Variants in CFHR5 observed in about 807,000 individuals in gnomAD.
The protein encoded by CFHR5 is complement factor H-related protein 5.
In CFHR5, 73 loss-of-function variants were observed where a neutral mutation model predicts 62.9. The ratio of observed to expected loss-of-function variants is 1.16; its 90% CI spans 0.96 to 1.41. The LOEUF (loss-of-function observed/expected upper bound fraction) is 1.41. Among genes scored for constraint, CFHR5 ranks in the 40% most tolerant of loss-of-function variants. The pLI, the probability that CFHR5 is intolerant of heterozygous loss-of-function variation, is 0.00. For missense variants in CFHR5, 779 were observed against 679.9 expected (o/e 1.15, Z -1.62); for synonymous variants, 249 against 227.2 (o/e 1.10, Z -0.86).
chr1:196,988,224 C>A (rs1259193353), intron 3 of CFHR5, among the ~76,000 whole-genome samples: 4 of 152,062 alleles, frequency 2.6e-5, no homozygotes, highest in Admixed American at 1.3e-4. Flanking sequence ...GATTTTGTAT[C>A]CTGAGACTTT....
Position 196,986,622 on chromosome 1 carries a change from GGTTTTCTGTCCTTGTGATA to G in CFHR5, c.430+2493_430+2511del, listed in dbSNP as rs573760578. ...CTGTGAGTGAGAACATGCAGTGTTT[GGTTTTCTGTCCTTGTGATA>G]GTTTTCTCAGAATGATGGTTTCCAG... is the stretch of plus-strand genomic sequence containing the variant. On this transcript the variant is annotated intron_variant, in intron 3 of 9. Transcript: ENST00000256785. Among the ~76,000 whole-genome samples, 142 of 152,164 alleles carry G rather than the reference GGTTTTCTGTCCTTGTGATA, an allele frequency of 9.3e-4. 2 individuals are homozygous for G. In the South Asian group the frequency reaches 0.018, roughly 19 times the overall value.
intron 7 of CFHR5, among the ~76,000 whole-genome samples, chr1:197,001,351 G>C (rs1654148347): frequency 6.6e-6 from 1 of 151,784 alleles, no homozygotes; most frequent in South Asian, 2.1e-4. Context: ...GTATGTTTTG[G>C]CTTATTTTAT....
At position 197,008,607 on chromosome 1, in the gene CFHR5, A is replaced by G; in HGVS notation, c.1634A>G (p.His545Arg). Residue 545 changes from histidine (H) to arginine (R), a missense_variant, in exon 10 of 10, where the codon CAT becomes CGT. Transcript: ENST00000256785. ...GTTGAATTCCAGTGTAAATTCCCAC[A>G]TAAAGCGATGATATCATCACCACCA... ...DAVEFQCKFP[H>R]KAMISSPPFR... 1 of 1,613,930 alleles carries G rather than the reference A, an allele frequency of 6.2e-7. No homozygotes were observed. Among genetic ancestry groups the G allele is most frequent in the Non-Finnish European group, 8.5e-7 (1 of 1,179,876 alleles).
chr1:197,005,726 T>C lies in CFHR5; in HGVS notation c.1513+883T>C, dbSNP rs116759061. Reference sequence around the variant, plus strand: ...TAATAAGGATCTGTTCCTGCAACAGTTCTCACTGTTGCCCAATACCTCACA... The same window carrying C: ...TAATAAGGATCTGTTCCTGCAACAGCTCTCACTGTTGCCCAATACCTCACA... On this transcript the variant is annotated intron_variant, in intron 9 of 9. Transcript: ENST00000256785. 6.4e-3 allele frequency among the ~76,000 whole-genome samples: 978 copies of C among 152,240 alleles called. 14 individuals are homozygous for C. The highest frequency in any genetic ancestry group is 0.023 in the African/African-American group (940 of 41,524).
chr1:196,987,447 C>T (rs571833110), intron 3 of CFHR5, among the ~76,000 whole-genome samples: 56 of 152,260 alleles, frequency 3.7e-4, no homozygotes, highest in African/African-American at 1.1e-3. Flanking sequence ...ATGCCTTTGT[C>T]CTGAATGCTA....
At chr1:197,007,716 T>C (rs1181209421) in intron 9 of CFHR5, among the ~76,000 whole-genome samples, 2 of 147,856 alleles carry the variant, frequency 1.4e-5, no homozygotes, top group Non-Finnish European at 3.0e-5. Context: ...TATACTTATA[T>C]ACACATGATA....
intron 9 of CFHR5, among the ~76,000 whole-genome samples, chr1:197,005,255 G>A (rs1382760517): frequency 6.6e-6 from 1 of 152,086 alleles, no homozygotes; most frequent in Non-Finnish European, 1.5e-5. Flanking sequence ...GCTTTCCCTA[G>A]TAGAACACCT....
intron 2 of CFHR5, 142 bp from the exon 3 acceptor site, chr1:196,983,819 A>C (rs1653605635): frequency 1.7e-6 from 1 of 587,822 alleles, no homozygotes. Context: ...TTCATCATTT[A>C]TACGGTAGCA....
intron 1 of CFHR5, among the ~76,000 whole-genome samples, chr1:196,980,363 C>G (rs1426025683): frequency 6.6e-6 from 1 of 151,976 alleles, no homozygotes; most frequent in Non-Finnish European, 1.5e-5. Context: ...GTGTACTATA[C>G]ATAATTGTGT....
chr1:196,986,743 C>T (rs533859790), intron 3 of CFHR5, among the ~76,000 whole-genome samples: 34 of 152,190 alleles, frequency 2.2e-4, no homozygotes, highest in East Asian at 3.9e-4. Context: ...GTATGTGTGC[C>T]GCATTTTCTT....
chr1:197,009,229 G>A lies in CFHR5; in HGVS notation c.*546G>A, dbSNP rs1654374887. On this transcript the variant is annotated 3_prime_UTR_variant, in exon 10 of 10. Transcript: ENST00000256785. Reference sequence around the variant, plus strand: ...CCATTCAAGAAGATAGAGCTCTCGTGACTTAATCACCTTCTAAAGATCTCA... The same window carrying A: ...CCATTCAAGAAGATAGAGCTCTCGTAACTTAATCACCTTCTAAAGATCTCA... The A allele has an allele frequency of 6.6e-6, 1 of 152,666 alleles. No homozygotes were observed. Among genetic ancestry groups the A allele is most frequent in the African/African-American group, 2.4e-5 (1 of 41,406 alleles). The allele number at this position is 152,666 out of a possible 1,614,324, so 9.5% of individuals were successfully genotyped here.
chr1:197,005,774 T>C lies in CFHR5; in HGVS notation c.1513+931T>C, dbSNP rs117681898. On this transcript the variant is annotated intron_variant, in intron 9 of 9. Transcript: ENST00000256785. ...ACAGGGCTAGACCAGAAGTTTGTTA[T>C]AGTCTTGAAAATTCATCCTTCTGAC... 7.8e-4 allele frequency among the ~76,000 whole-genome samples: 118 copies of C among 152,136 alleles called. 1 individual carries two copies. The East Asian group carries it at 0.02, about 25-fold the overall frequency.
chr1:196,995,934 C>T lies in CFHR5; in HGVS notation c.790+35C>T, dbSNP rs76948684. On this transcript the variant is annotated intron_variant, in intron 5 of 9. Transcript: ENST00000256785. ...TATTAACATTTAAACAGGACAGTTA[C>T]TATTACTTTGCACTTATATATAAAT... is the stretch of plus-strand genomic sequence containing the variant. 7.5e-6 allele frequency: 12 copies of T among 1,596,462 alleles called. No homozygotes were observed. In the East Asian group the frequency reaches 2.5e-4, roughly 33 times the overall value.
At chr1:196,998,568 C>G (rs548907321) in intron 7 of CFHR5, among the ~76,000 whole-genome samples, 78 of 151,884 alleles carry the variant, frequency 5.1e-4, no homozygotes, top group African/African-American at 1.9e-3. Flanking sequence ...AAATAAAGAA[C>G]TGTAAAAAAA....
Position 196,999,722 on chromosome 1 carries a change from T to TAC in CFHR5, c.1147+1430_1147+1431dup, listed in dbSNP as rs60382421. ...ATATATATATATATATATATATATATACACACACACACATATATATACACA... is the reference window on the plus strand; with the variant it reads ...ATATATATATATATATATATATATATACACACACACACACATATATATACACA... On this transcript the variant is annotated intron_variant, in intron 7 of 9. Coordinates refer to ENST00000256785, the MANE Select transcript of CFHR5 (RefSeq NM_030787.4). 3.6e-3 allele frequency among the ~76,000 whole-genome samples: 414 copies of TAC among 115,918 alleles called. 4 individuals carry two copies. The highest frequency in any genetic ancestry group is 0.012 in the African/African-American group (344 of 28,660). 76.0% of individuals were successfully genotyped at this position (115,918 alleles called of 152,430 possible).
Position 196,982,874 on chromosome 1 carries a change from A to C in CFHR5, c.59-11A>C. The stretch of plus-strand genomic sequence containing the variant: ...TTATTTAATTCTTCAGTTTTGTGTT[A>C]TTTTTCCCAGGAACACTTTGTGATT... On this transcript the variant is annotated splice_polypyrimidine_tract_variant and intron_variant, in intron 1 of 9. Coordinates refer to ENST00000256785, the MANE Select transcript of CFHR5 (RefSeq NM_030787.4). 1 of 1,610,782 alleles carries C rather than the reference A, an allele frequency of 6.2e-7. No individual in the cohort carries two copies. Among genetic ancestry groups the C allele is most frequent in the Non-Finnish European group, 8.5e-7 (1 of 1,177,158 alleles).
intron 7 of CFHR5, among the ~76,000 whole-genome samples, chr1:197,001,932 A>G (rs894820714): frequency 3.3e-5 from 5 of 152,092 alleles, no homozygotes; most frequent in African/African-American, 7.2e-5. Context: ...CCTAAGAATA[A>G]GCCAAGCAAC....
At chr1:196,997,351 A>G (rs571640410) in intron 6 of CFHR5, among the ~76,000 whole-genome samples, 1 of 152,280 alleles carries the variant, frequency 6.6e-6, no homozygotes, top group Admixed American at 6.5e-5. Context: ...GAGTACATAA[A>G]TATCAACCTC....
At chr1:196,975,197 G>A (rs1653368127), upstream of CFHR5, among the ~76,000 whole-genome samples, 1 of 152,162 alleles carries the variant, frequency 6.6e-6, no homozygotes, top group South Asian at 2.1e-4. Context: ...ATTGAAGAAG[G>A]CATTGGTGAC....
Sources: allele counts gnomAD v4.1 joint callset (sites outside exome capture counted in the v4.1 genomes callset), GRCh38; gene constraint gnomAD v4.1.1; transcripts MANE v1.5; gene names NCBI Gene and HGNC (gene_info 2026-07-23, HGNC 2026-07-21).